The following ACOT9 variants were observed in gnomAD, a reference collection of about 807,000 sequenced individuals.
ACOT9 encodes the protein acyl-coenzyme A thioesterase 9, mitochondrial.
A neutral mutation model predicts 39.7 loss-of-function variants in ACOT9; 34 were observed. That is an observed-to-expected ratio of 0.86 (90% CI 0.65 to 1.14). ACOT9 has a LOEUF of 1.14. Among genes scored for constraint, ACOT9 ranks in the 50% most tolerant of loss-of-function variants. The pLI is 0.00. For missense variants in ACOT9, 313 were observed against 344.1 expected (o/e 0.91, Z 0.71); for synonymous variants, 110 against 120.5 (o/e 0.91, Z 0.57).
At chrX:23,711,983 A>T (rs1928910784) in intron 9 of ACOT9, among the ~76,000 whole-genome samples, 1 of 112,112 alleles carries the variant, frequency 8.9e-6, no homozygotes, top group Non-Finnish European at 1.9e-5. Context: ...CCACCATGAG[A>T]AAGCAATAGA....
chrX:23,741,666 C>T (rs1008421341), intron 1 of ACOT9, among the ~76,000 whole-genome samples: 4 of 112,008 alleles, frequency 3.6e-5, no homozygotes, highest in African/African-American at 1.3e-4. Context: ...AGAGATTATC[C>T]GCTTAAGGTT....
intron 10 of ACOT9, among the ~76,000 whole-genome samples, chrX:23,707,477 G>A (rs750552897): frequency 8.9e-6 from 1 of 111,808 alleles, no homozygotes; most frequent in African/African-American, 3.2e-5. Flanking sequence ...AATGGCTCAC[G>A]CCTGTAATCC....
intron 6 of ACOT9, among the ~76,000 whole-genome samples, chrX:23,724,640 G>A (rs1327955308): frequency 9.0e-6 from 1 of 110,766 alleles, no homozygotes; most frequent in Admixed American, 9.7e-5. Context: ...AGGCATGGTG[G>A]CGTGTGCCTG....
chrX:23,711,856 A>G (rs201273264), intron 9 of ACOT9, among the ~76,000 whole-genome samples: 2 of 111,523 alleles, frequency 1.8e-5, no homozygotes, highest in African/African-American at 3.3e-5. Flanking sequence ...AACATCATCT[A>G]TGTAGTACTC....
At chrX:23,741,020 T>A (rs752938945) in intron 1 of ACOT9, among the ~76,000 whole-genome samples, 1 of 109,114 alleles carries the variant, frequency 9.2e-6, no homozygotes, top group Non-Finnish European at 1.9e-5. Context: ...TACCTAATGC[T>A]AAATGACGAG....
chrX:23,704,525 G>A (rs994568233), intron 15 of ACOT9, among the ~76,000 whole-genome samples, 169 bp downstream of exon 15: 1 of 110,254 alleles, frequency 9.1e-6, no homozygotes, highest in African/African-American at 3.3e-5. Flanking sequence ...GCCCGCCTGG[G>A]GGCCACAGGC....
intron 1 of ACOT9, among the ~76,000 whole-genome samples, chrX:23,737,439 C>CA (rs920609185): frequency 6.3e-5 from 7 of 111,328 alleles, no homozygotes; most frequent in Non-Finnish European, 9.4e-5. Context: ...TGACTAACAA[C>CA]AAAAAAAAGA....
chrX:23,718,286 A>C (rs959116919), intron 8 of ACOT9, among the ~76,000 whole-genome samples: 3 of 111,927 alleles, frequency 2.7e-5, no homozygotes, highest in African/African-American at 9.8e-5. Flanking sequence ...AGGAAGCAGC[A>C]GTGCTGGGAT....
At chrX:23,704,336 A>G (rs1928594245) in intron 15 of ACOT9, among the ~76,000 whole-genome samples, 1 of 78,489 alleles carries the variant, frequency 1.3e-5, no homozygotes, top group South Asian at 6.3e-4. Context: ...GTGCCCGGCT[A>G]ATTTTTTTTT....
chrX:23,716,174 C>G (rs889990298), intron 8 of ACOT9, among the ~76,000 whole-genome samples: 2 of 111,545 alleles, frequency 1.8e-5, no homozygotes, highest in Non-Finnish European at 1.9e-5. Context: ...ATGAAGTTAT[C>G]CTGGAGCACA....
At chrX:23,704,899 C>T in intron 14 of ACOT9, 55 bp from the exon 15 acceptor site, 2 of 1,177,158 alleles carry the variant, frequency 1.7e-6, no homozygotes, top group African/African-American at 3.5e-5. Context: ...GGGAAAAAGG[C>T]AGTCATAAGA....
At chrX:23,728,484 C>T (rs1929616228) in intron 6 of ACOT9, among the ~76,000 whole-genome samples, 1 of 110,995 alleles carries the variant, frequency 9.0e-6, no homozygotes, top group Non-Finnish European at 1.9e-5. Flanking sequence ...AGAATGGAGC[C>T]AGTTGGAGAA....
chrX:23,728,382 G>A lies in ACOT9; in HGVS notation c.400+2145C>T, dbSNP rs551176233. On this transcript the variant is annotated intron_variant, in intron 6 of 15. Transcript: ENST00000379303. ...TGTGGGGTACCAGAGCCCAGGTAAG[G>A]TGAGGGGAGCATCCATGATGCATGA... Among the ~76,000 whole-genome samples, 13 of 110,801 alleles carry A rather than the reference G, an allele frequency of 1.2e-4. No individual in the cohort carries two copies. In the South Asian group the frequency reaches 3.5e-3, roughly 29 times the overall value.
Position 23,704,049 on chromosome X carries a change from C to T in ACOT9, c.1259-67G>A, listed in dbSNP as rs150025999. The T allele has an allele frequency of 1.3e-4, 123 of 921,847 alleles. No homozygotes were observed. In the East Asian group the frequency reaches 3.5e-3, roughly 26 times the overall value. The allele number at this position is 921,847 out of a possible 1,213,427, so 76.0% of individuals were successfully genotyped here. On this transcript the variant is annotated intron_variant, in intron 15 of 15. Coordinates refer to ENST00000379303, the MANE Select transcript of ACOT9 (RefSeq NM_001037171.2). Reference sequence around the variant, plus strand: ...CGTAGAAAACCATCATATCATCATACAAACACAAGACTACTTGGGAACACT... The same window carrying T: ...CGTAGAAAACCATCATATCATCATATAAACACAAGACTACTTGGGAACACT...
At chrX:23,725,617 G>C (rs1369895690) in intron 6 of ACOT9, among the ~76,000 whole-genome samples, 1 of 106,466 alleles carries the variant, frequency 9.4e-6, no homozygotes, top group Admixed American at 1.0e-4. Context: ...CAGCAGTTTG[G>C]GACCAGCCTG....
chrX:23,726,447 A>G (rs1480417493), intron 6 of ACOT9, among the ~76,000 whole-genome samples: 2 of 110,250 alleles, frequency 1.8e-5, no homozygotes, highest in East Asian at 2.9e-4. Flanking sequence ...TATCCATTCA[A>G]CTGTGCAGTA....
chrX:23,719,098 C>T (rs982174646), intron 8 of ACOT9, among the ~76,000 whole-genome samples: 2 of 108,693 alleles, frequency 1.8e-5, no homozygotes, highest in African/African-American at 6.7e-5. Context: ...GGTAAAACCC[C>T]GTCTCTACTA....
At chrX:23,708,039 C>A in intron 9 of ACOT9, 95 bp from the exon 10 acceptor site, 1 of 822,720 alleles carries the variant, frequency 1.2e-6, no homozygotes, top group Non-Finnish European at 1.7e-6. Context: ...AAAGAATCTG[C>A]TTTTCATTTT....
intron 9 of ACOT9, among the ~76,000 whole-genome samples, chrX:23,708,680 T>C (rs908623825): frequency 1.6e-4 from 18 of 112,196 alleles, no homozygotes; most frequent in Admixed American, 4.8e-4. Context: ...GATTGGGTCC[T>C]GAATCAGGAA....
Sources: gnomAD v4.1 joint callset for allele counts (sites outside exome capture counted in the v4.1 genomes callset) on GRCh38, gnomAD v4.1.1 for gene constraint, MANE v1.5 for transcripts, NCBI Gene and HGNC (gene_info 2026-07-23, HGNC 2026-07-21) for gene names.